KMT2C: variants seen among roughly 807,000 people sequenced by gnomAD.
The protein encoded by KMT2C is histone-lysine N-methyltransferase 2C.
KMT2C carries 88 observed loss-of-function variants against 507.9 expected under a neutral mutation model. The observed-to-expected ratio is 0.17, with a 90% CI of 0.15 to 0.21. The LOEUF (loss-of-function observed/expected upper bound fraction) is 0.21. Ranked by LOEUF, KMT2C falls within the 10% of genes least tolerant of loss-of-function variation. The probability of loss-of-function intolerance (pLI) is 1.00; values close to 1 mark genes in which losing one functional copy is unlikely to be tolerated. For synonymous variants in KMT2C, 2,049 were observed against 2,080.8 expected (o/e 0.98, Z 0.42); for missense variants, 4,954 against 5,957.8 (o/e 0.83, Z 5.55).
rs1222980687 is a variant in KMT2C, at chr7:152,181,264, T to C, written c.6596A>G (p.His2199Arg). The change falls in exon 36 of 59, where the codon CAT (histidine) becomes CGT (arginine). Residue 2199 changes from histidine to arginine, a missense_variant. This residue lies in a region of KMT2C where 1,689 missense variants were observed against 1,654.3 expected (regional missense o/e 1.02). Transcript: ENST00000262189. ...LFVTPVTNQR[H>R]SDPYAHPPGT... ...AGGAGGATGAGCATATGGATCAGAA[T>C]GCCTCTGATTTGTTACAGGTGTAAC... is the stretch of plus-strand genomic sequence containing the variant. The C allele has an allele frequency of 6.2e-7, 1 of 1,614,068 alleles. No homozygotes were observed.
At chr7:152,434,885 G>A (rs1016390218) in intron 1 of KMT2C, among the ~76,000 whole-genome samples, 3 of 152,108 alleles carry the variant, frequency 2.0e-5, no homozygotes, top group Admixed American at 6.6e-5. Context: ...CTCCGAATAA[G>A]TGCTCTTGGT....
At chr7:152,171,637 T>A (rs1017682657) in intron 39 of KMT2C, among the ~76,000 whole-genome samples, 2 of 152,236 alleles carry the variant, frequency 1.3e-5, no homozygotes, top group African/African-American at 4.8e-5. Flanking sequence ...AGAAGCCAGC[T>A]AGGCTGACTC....
intron 18 of KMT2C, among the ~76,000 whole-genome samples, chr7:152,225,503 C>G (rs939535428): frequency 1.3e-5 from 2 of 152,208 alleles, no homozygotes; most frequent in Non-Finnish European, 2.9e-5. Context: ...AATTCTCAAC[C>G]TAGCTACACA....
rs551704996 is a variant in KMT2C, at chr7:152,321,347, C to T, written c.390-6009G>A. Among the ~76,000 whole-genome samples, 47 of 151,356 alleles carry T rather than the reference C, an allele frequency of 3.1e-4. 2 individuals are homozygous for T. Among genetic ancestry groups the T allele is most frequent in the Non-Finnish European group, 5.5e-4 (37 of 67,882 alleles). On this transcript the variant is annotated intron_variant, in intron 3 of 58. Coordinates refer to ENST00000262189, the MANE Select transcript of KMT2C (RefSeq NM_170606.3). ...GTGAAATAAAATCATAATGAAAATA[C>T]TGAATATAAAATTGATATAAAATAT...
chr7:152,152,196 C>CA, intron 49 of KMT2C, among the ~76,000 whole-genome samples: 1 of 152,346 alleles, frequency 6.6e-6, no homozygotes, highest in South Asian at 2.1e-4. Flanking sequence ...AAAGCGACAT[C>CA]ATGGTCGGTC....
chr7:152,435,773 T>C lies in KMT2C; in HGVS notation c.14A>G (p.Glu5Gly), dbSNP rs1345919106. The part of the protein sequence containing the change: MSSE[E>G]DKSVEQPQPP... ...CTGCGGCTGCTCCACGCTCTTGTCCTCCTCCGACGACATCCTAGTCACCAG... is the reference window on the plus strand; with the variant it reads ...CTGCGGCTGCTCCACGCTCTTGTCCCCCTCCGACGACATCCTAGTCACCAG... The change falls in exon 1 of 59, where the codon GAG (glutamate) becomes GGG (glycine). Residue 5 changes from glutamate to glycine, a missense_variant. Glu to Gly is a moderately conservative substitution (Grantham distance 98). Transcript: ENST00000262189. 1 of 1,372,532 alleles carries C rather than the reference T, an allele frequency of 7.3e-7. No individual in the cohort carries two copies. The highest frequency in any genetic ancestry group is 9.5e-7 in the Non-Finnish European group (1 of 1,049,332). 85.0% of individuals were successfully genotyped at this position (1,372,532 alleles called of 1,614,324 possible). A position where few individuals can be genotyped will look rare whatever the true frequency, so the allele number is the denominator to read the frequency against.
chr7:152,330,508 T>A (rs1275772184), intron 3 of KMT2C, 93 bp downstream of exon 3: 2 of 1,263,392 alleles, frequency 1.6e-6, no homozygotes. Flanking sequence ...CAGATTTTCA[T>A]CCTAAACTCA....
rs764515051 is a variant in KMT2C at position 152,176,597 on chromosome 7, T to G, written c.8856A>C (p.Ser2952=). The G allele has an allele frequency of 1.2e-6, 2 of 1,614,048 alleles. No homozygotes were observed. The highest frequency in any genetic ancestry group is 1.3e-5 in the African/African-American group (1 of 74,908). Reference sequence around the variant, plus strand: ...GCGGTGCTATGAAAGGAGGCAAACTTGACACATGATTGGATGGGGAGGCCG... The same window carrying G: ...GCGGTGCTATGAAAGGAGGCAAACTGGACACATGATTGGATGGGGAGGCCG... ...TLPASPSNHV[S]SLPPFIAPPG... The change falls in exon 38 of 59, where the codon TCA becomes TCC. Residue 2952 remains serine (S), a synonymous_variant. Transcript: ENST00000262189.
rs1266889965 is a variant in KMT2C at position 152,310,094 on chromosome 7, A to C, written c.740-19T>G. ...CAAGTGCCTAAAATGGGAAAAATGA[A>C]AAGGAGCAAATGAGCAAACATTAAA... On this transcript the variant is annotated intron_variant, in intron 5 of 58. Transcript: ENST00000262189. 2 of 1,516,504 alleles carry C rather than the reference A, an allele frequency of 1.3e-6. No individual in the cohort carries two copies. The highest frequency in any genetic ancestry group is 1.8e-6 in the Non-Finnish European group (2 of 1,100,280). The allele number at this position is 1,516,504 out of a possible 1,614,324, so 93.9% of individuals were successfully genotyped here. A position where few individuals can be genotyped will look rare whatever the true frequency, so the allele number is the denominator to read the frequency against.
chr7:152,303,319 C>T (rs1192631016), intron 6 of KMT2C, among the ~76,000 whole-genome samples: 1 of 152,190 alleles, frequency 6.6e-6, no homozygotes, highest in Non-Finnish European at 1.5e-5. Context: ...TCAGCACTAT[C>T]GGCATTTTAA....
chr7:152,282,846 T>G (rs548914319), intron 6 of KMT2C, among the ~76,000 whole-genome samples: 8 of 152,138 alleles, frequency 5.3e-5, no homozygotes, highest in African/African-American at 1.9e-4. Context: ...TTATATATAA[T>G]TCTTCAACAT....
chr7:152,396,002 C>G (rs183673769), intron 1 of KMT2C, among the ~76,000 whole-genome samples: 129 of 152,294 alleles, frequency 8.5e-4, no homozygotes, highest in African/African-American at 2.9e-3. Flanking sequence ...ACCTACAAAA[C>G]CTTGTTTTCC....
At chr7:152,162,078 C>G in intron 43 of KMT2C, 39 bp downstream of exon 43, 1 of 1,495,384 alleles carries the variant, frequency 6.7e-7, no homozygotes, top group South Asian at 1.5e-5. Context: ...TAATTTAAAA[C>G]AAAAGAAAAA....
chr7:152,300,015 T>C (rs1218222614), intron 6 of KMT2C, among the ~76,000 whole-genome samples: 1 of 152,206 alleles, frequency 6.6e-6, no homozygotes, highest in Admixed American at 6.5e-5. Context: ...AAAGTATCAT[T>C]AACAGTCTCT....
Position 152,195,969 on chromosome 7 carries a change from T to C in KMT2C, c.4316A>G (p.Asn1439Ser), listed in dbSNP as rs2093949579. 1.2e-6 allele frequency: 2 copies of C among 1,610,564 alleles called. No individual in the cohort carries two copies. Among genetic ancestry groups the C allele is most frequent in the African/African-American group, 2.7e-5 (2 of 74,798 alleles). The change falls in exon 28 of 59, where the codon AAC becomes AGC. Residue 1439 changes from asparagine (N) to serine (S), a missense_variant. By Grantham distance (46) the Asn-to-Ser change is conservative. Transcript: ENST00000262189. Reference protein sequence around the residue: ...DPLADISEVLNTDDDILGIIS... With the variant: ...DPLADISEVLSTDDDILGIIS... ...TATTCCAAGAATGTCATCATCTGTG[T>C]TTAAAACTTCAGAAATATCAGCTAA...
At chr7:152,366,215 A>T (rs1485368718) in intron 1 of KMT2C, among the ~76,000 whole-genome samples, 1 of 152,270 alleles carries the variant, frequency 6.6e-6, no homozygotes, top group East Asian at 1.9e-4. Context: ...TAGAATTGCC[A>T]TATGATCCAC....
chr7:152,193,903 A>T, intron 31 of KMT2C, 106 bp downstream of exon 31: 5 of 947,448 alleles, frequency 5.3e-6, no homozygotes, highest in Non-Finnish European at 7.4e-6. Context: ...CAGTTTGTAT[A>T]CGTGGCTACT....
rs952638943 is a variant in KMT2C, at chr7:152,138,850, C to T, written c.14589G>A (p.Glu4863=). The change falls in exon 58 of 59, where the codon GAG becomes GAA. Residue 4863 remains glutamate, a synonymous_variant. Transcript: ENST00000262189. The surrounding 1 kb of genome is among the most constrained non-coding windows in gnomAD (Gnocchi z 4.2). ...PNCVAEVVTF[E]RGHKIIISSS... ...AGCTGATGATAATTTTGTGTCCTCT[C>T]TCAAAAGTCACCACTTCAGCCACAC... is the stretch of plus-strand genomic sequence containing the variant. 2.3e-5 allele frequency: 37 copies of T among 1,612,938 alleles called. No homozygotes were observed. The highest frequency in any genetic ancestry group is 3.3e-5 in the Admixed American group (2 of 59,746).
intron 1 of KMT2C, among the ~76,000 whole-genome samples, chr7:152,398,395 C>T (rs570395355): frequency 3.6e-4 from 55 of 152,042 alleles, no homozygotes; most frequent in African/African-American, 1.2e-3. Flanking sequence ...AATCAAATCA[C>T]GATATAAATT....
Sources: gnomAD v4.1 joint callset for allele counts (sites outside exome capture counted in the v4.1 genomes callset) on GRCh38, gnomAD v4.1.1 for gene constraint, gnomAD v4.1.1 regional missense constraint, Gnocchi (gnomAD v3.1) non-coding constraint, MANE v1.5 for transcripts, NCBI Gene and HGNC (gene_info 2026-07-23, HGNC 2026-07-21) for gene names.